Variants in STK3 observed in about 807,000 individuals in gnomAD.
STK3 encodes serine/threonine-protein kinase 3.
Under a neutral mutation model 58.0 loss-of-function variants are expected in STK3, and 41 were observed. That is an observed-to-expected ratio of 0.71 (90% CI 0.55 to 0.92). STK3 has a LOEUF of 0.92. Among genes scored for constraint, STK3 ranks in the 40% least tolerant of loss-of-function variants. The pLI is 0.00. For missense variants in STK3, 479 were observed against 602.7 expected (o/e 0.79, Z 2.15); for synonymous variants, 170 against 191.0 (o/e 0.89, Z 0.91).
At chr8:98,830,435 G>A (rs1167842202), upstream of STK3, among the ~76,000 whole-genome samples, 1 of 152,098 alleles carries the variant, frequency 6.6e-6, no homozygotes, top group African/African-American at 2.4e-5. Flanking sequence ...TGTGCCTGGT[G>A]TGTTGTGTGT....
At chr8:98,747,835 AGCGTAACAACTAT>A (rs1829739122) in intron 4 of STK3, among the ~76,000 whole-genome samples, 1 of 152,176 alleles carries the variant, frequency 6.6e-6, no homozygotes, top group South Asian at 2.1e-4. Flanking sequence ...CTGTTGTGTG[AGCGTAACAACTAT>A]GTTATTCCAA....
At chr8:98,404,451 C>T (rs893876443) in intron 3 of STK3, among the ~76,000 whole-genome samples, 5 of 152,042 alleles carry the variant, frequency 3.3e-5, no homozygotes, top group African/African-American at 4.8e-5. Context: ...GAGGCCGAGA[C>T]GGGTGGATCA....
chr8:98,904,685 G>A (rs373442976), intron 1 of STK3: 40 of 713,796 alleles, frequency 5.6e-5, no homozygotes, highest in African/African-American at 5.5e-4. Context: ...AGCTGCTGAA[G>A]CCTGAAATAA....
chr8:98,670,531 A>G (rs957424690), intron 6 of STK3, among the ~76,000 whole-genome samples: 2 of 152,228 alleles, frequency 1.3e-5, no homozygotes, highest in African/African-American at 4.8e-5. Context: ...GGCAGGAAGC[A>G]GAAAAATCCT....
At chr8:98,825,766 C>A (rs958754388), upstream of STK3, 1 of 104,644 alleles carries the variant, frequency 9.6e-6, no homozygotes, top group African/African-American at 3.5e-5. Flanking sequence ...CCGCCCCGCC[C>A]CGCCCCCGGC....
chr8:98,536,931 T>C lies in STK3; in HGVS notation c.1142-10014A>G, dbSNP rs1358876906. ...AGTTTAAATATCACTACGTCTCAGA[T>C]ACATTATAGTTTTAAAGGTTTTTTT... On this transcript the variant is annotated intron_variant, in intron 9 of 10. Transcript: ENST00000419617. Among the ~76,000 whole-genome samples the C allele has an allele frequency of 4.6e-5, 7 of 152,324 alleles. No individual in the cohort carries two copies. In the East Asian group the frequency reaches 5.8e-4, roughly 13 times the overall value.
rs193220581 is a variant in STK3, at chr8:98,793,717, T to C, written c.27-18898A>G. On this transcript the variant is annotated intron_variant, in intron 1 of 10. Transcript: ENST00000419617. ...GACCTAACAGACATCTGCAGACTACTTCATCCATCAACCACTGAAGATACA... is the reference window on the plus strand; with the variant it reads ...GACCTAACAGACATCTGCAGACTACCTCATCCATCAACCACTGAAGATACA... 6.7e-3 allele frequency among the ~76,000 whole-genome samples: 1,026 copies of C among 152,232 alleles called. 8 individuals are homozygous for C. The highest frequency in any genetic ancestry group is 0.023 in the African/African-American group (962 of 41,534).
intron 6 of STK3, among the ~76,000 whole-genome samples, chr8:98,630,733 AAGG>A (rs1563825883): frequency 6.7e-6 from 1 of 148,782 alleles, no homozygotes; most frequent in East Asian, 2.0e-4. Context: ...GGAGGAGAAG[AAGG>A]AGAAGAAGGA....
intron 6 of STK3, among the ~76,000 whole-genome samples, chr8:98,631,944 C>A (rs1334667296): frequency 6.6e-6 from 1 of 152,238 alleles, no homozygotes; most frequent in South Asian, 2.1e-4. Flanking sequence ...GGATTACAGG[C>A]GTGGGCCACT....
intron 3 of STK3, chr8:98,432,542 A>C (rs1818351522): frequency 6.0e-6 from 1 of 167,098 alleles, no homozygotes; most frequent in South Asian, 2.1e-4. Flanking sequence ...TGTAGCTCGT[A>C]AGGTAGTAAT....
intron 6 of STK3, among the ~76,000 whole-genome samples, chr8:98,680,753 T>C (rs1167584567): frequency 2.6e-5 from 4 of 152,040 alleles, no homozygotes; most frequent in African/African-American, 9.7e-5. Context: ...CAACATTTTA[T>C]CCAAAACTAC....
the STK3 span, among the ~76,000 whole-genome samples, chr8:98,345,964 G>A: frequency 1.3e-5 from 2 of 151,972 alleles, no homozygotes; most frequent in African/African-American, 4.8e-5. Context: ...AAAATGAAAC[G>A]CAGAGAGAAG....
chr8:98,462,470 CTTG>C (rs1260445000), intron 10 of STK3, among the ~76,000 whole-genome samples: 1 of 152,114 alleles, frequency 6.6e-6, no homozygotes, highest in African/African-American at 2.4e-5. Flanking sequence ...AGATTGCAAT[CTTG>C]TTGTGGGAGA....
chr8:98,814,599 C>T (rs1220967130), intron 1 of STK3, among the ~76,000 whole-genome samples: 1 of 152,152 alleles, frequency 6.6e-6, no homozygotes, highest in African/African-American at 2.4e-5. Context: ...CACAACCCCC[C>T]AGGCTCAGGC....
downstream of STK3, among the ~76,000 whole-genome samples, chr8:98,454,118 A>T (rs1038163672): frequency 4.6e-5 from 7 of 152,222 alleles, no homozygotes; most frequent in African/African-American, 1.7e-4. Flanking sequence ...TTGAGGCATT[A>T]CCTAGGGTAC....
At chr8:98,663,619 C>G (rs936066485) in intron 6 of STK3, among the ~76,000 whole-genome samples, 1 of 152,148 alleles carries the variant, frequency 6.6e-6, no homozygotes, top group Admixed American at 6.5e-5. Flanking sequence ...TTGGAACCAA[C>G]CCAAATGTCT....
At chr8:98,770,348 A>T (rs1041086630) in intron 2 of STK3, among the ~76,000 whole-genome samples, 1 of 152,220 alleles carries the variant, frequency 6.6e-6, no homozygotes, top group Non-Finnish European at 1.5e-5. Flanking sequence ...ACACTAAAAA[A>T]GTTGCAAGAT....
At chr8:98,704,499 G>A (rs1235643709) in intron 6 of STK3, among the ~76,000 whole-genome samples, 1 of 151,652 alleles carries the variant, frequency 6.6e-6, no homozygotes, top group East Asian at 1.9e-4. Context: ...GGCGATAGCT[G>A]TCAAGAATGG....
intron 9 of STK3, among the ~76,000 whole-genome samples, chr8:98,546,995 A>T (rs1810753155): frequency 6.6e-6 from 1 of 152,164 alleles, no homozygotes; most frequent in South Asian, 2.1e-4. Flanking sequence ...GCAAAAAGAA[A>T]AGGGTGGGCA....
Sources: gnomAD v4.1 joint callset for allele counts (sites outside exome capture counted in the v4.1 genomes callset) on GRCh38, gnomAD v4.1.1 for gene constraint, MANE v1.5 for transcripts, NCBI Gene and HGNC (gene_info 2026-07-23, HGNC 2026-07-21) for gene names.